IKZF2: variants seen among roughly 807,000 people sequenced by gnomAD.
IKZF2 encodes zinc finger protein Helios.
In IKZF2, 15 loss-of-function variants were observed where a neutral mutation model predicts 49.2. That is an observed-to-expected ratio of 0.30 (90% CI 0.20 to 0.47). IKZF2 has a LOEUF of 0.47. IKZF2 is among the 20% of genes least tolerant of loss of function. IKZF2 has a pLI of 1.00. For synonymous variants in IKZF2, 227 were observed against 221.4 expected (o/e 1.03, Z -0.23); for missense variants, 567 against 664.6 (o/e 0.85, Z 1.61).
chr2:213,024,661 G>A (rs527756807), intron 6 of IKZF2, among the ~76,000 whole-genome samples: 1 of 152,044 alleles, frequency 6.6e-6, no homozygotes, highest in Non-Finnish European at 1.5e-5. Context: ...TCTGAGACCT[G>A]TAGTCATTTA....
Position 213,147,824 on chromosome 2 carries a change from A to G in IKZF2, c.35-12T>C. On this transcript the variant is annotated splice_polypyrimidine_tract_variant and intron_variant, in intron 3 of 8. Transcript: ENST00000434687. ...AAGCTCATTGTCACCTGCTTTCACA[A>G]AATATAATCTTTTGGTTTCTATTCA... 6.3e-7 allele frequency: 1 copy of G among 1,590,856 alleles called. No homozygotes were observed. Among genetic ancestry groups the G allele is most frequent in the Non-Finnish European group, 8.6e-7 (1 of 1,158,774 alleles).
chr2:213,017,495 A>G (rs1447627033), intron 7 of IKZF2, among the ~76,000 whole-genome samples: 1 of 152,224 alleles, frequency 6.6e-6, no homozygotes, highest in Non-Finnish European at 1.5e-5. Context: ...GAATGACACT[A>G]CTATTTACTC....
chr2:213,108,481 T>C (rs1388955184), intron 4 of IKZF2, among the ~76,000 whole-genome samples: 1 of 152,150 alleles, frequency 6.6e-6, no homozygotes, highest in East Asian at 1.9e-4. Flanking sequence ...AGCTACAAGC[T>C]GAGCTACTGA....
chr2:213,061,542 G>T (rs980652952), intron 4 of IKZF2, among the ~76,000 whole-genome samples: 1 of 150,038 alleles, frequency 6.7e-6, no homozygotes, highest in Non-Finnish European at 1.5e-5. Context: ...GAATGAAAAG[G>T]ATAATAAAAT....
intron 4 of IKZF2, among the ~76,000 whole-genome samples, chr2:213,136,387 A>AAAAAAAAAAAAG (rs2060672831): frequency 2.0e-5 from 2 of 99,862 alleles, no homozygotes; most frequent in African/African-American, 2.9e-5. Context: ...AAAAAAAAAA[A>AAAAAAAAAAAAG]AAAAGAAAAA....
chr2:213,145,924 C>G (rs1484761328), intron 4 of IKZF2, among the ~76,000 whole-genome samples: 8 of 152,048 alleles, frequency 5.3e-5, no homozygotes, highest in Non-Finnish European at 4.4e-5. Context: ...CTTATTTGTT[C>G]AAATTGATCA....
In IKZF2 at chr2:213,002,106, A is replaced by G. The variant is rs1694952318; in HGVS notation, c.*5254T>C. On this transcript the variant is annotated 3_prime_UTR_variant, in exon 9 of 9. Coordinates refer to ENST00000434687, the MANE Select transcript of IKZF2 (RefSeq NM_001387220.1). ...ACTGCAAACTCATTTATTTGTACCT[A>G]TATGAACTTATATGCTGTACTTTAT... 6.6e-6 allele frequency: 1 copy of G among 151,458 alleles called. No homozygotes were observed. Among genetic ancestry groups the G allele is most frequent in the Non-Finnish European group, 1.5e-5 (1 of 67,542 alleles). 9.4% of individuals were successfully genotyped at this position (151,458 alleles called of 1,614,324 possible).
At chr2:213,142,281 C>A (rs903144920) in intron 4 of IKZF2, among the ~76,000 whole-genome samples, 9 of 151,856 alleles carry the variant, frequency 5.9e-5, no homozygotes, top group African/African-American at 1.7e-4. Flanking sequence ...TAACCAAAAT[C>A]TTCATAGATG....
chr2:213,151,650 T>C (rs1421367945), upstream of IKZF2: 12 of 150,960 alleles, frequency 7.9e-5, no homozygotes, highest in East Asian at 1.6e-3. Flanking sequence ...ACCGATCCGG[T>C]GGAGCCCGAG....
intron 7 of IKZF2, among the ~76,000 whole-genome samples, chr2:213,017,281 G>A (rs1377834826): frequency 6.6e-6 from 1 of 152,006 alleles, no homozygotes; most frequent in Non-Finnish European, 1.5e-5. Context: ...AATTATGATG[G>A]ATCCTGCATC....
chr2:213,103,167 T>A (rs939688158), intron 4 of IKZF2, among the ~76,000 whole-genome samples: 3 of 152,292 alleles, frequency 2.0e-5, no homozygotes, highest in Middle Eastern at 3.4e-3. Context: ...GGCTCAGAGA[T>A]ATTAATTTAT....
rs930657603 is a variant in IKZF2, at chr2:213,007,243, T to G, written c.*117A>C. On this transcript the variant is annotated 3_prime_UTR_variant, in exon 9 of 9. Coordinates refer to ENST00000434687, the MANE Select transcript of IKZF2 (RefSeq NM_001387220.1). Reference sequence around the variant, plus strand: ...ACAAAATAAGAATTATCAACAGTAATAATATTAAAAAAAATAAAAGGTATG... The same window carrying G: ...ACAAAATAAGAATTATCAACAGTAAGAATATTAAAAAAAATAAAAGGTATG... The G allele has an allele frequency of 1.5e-5, 17 of 1,100,374 alleles. No individual in the cohort carries two copies. The Admixed American group carries it at 4.2e-4, about 27-fold the overall frequency. The allele number at this position is 1,100,374 out of a possible 1,614,324, so 68.2% of individuals were successfully genotyped here.
intron 4 of IKZF2, chr2:213,081,145 T>C (rs1703909722): frequency 1.3e-5 from 2 of 154,416 alleles, no homozygotes; most frequent in Non-Finnish European, 1.5e-5. Context: ...GGGAAGAGTA[T>C]AGGAGGTAGT....
chr2:213,150,861 ATTTAACTGC>A (rs1467858758), intron 1 of IKZF2, among the ~76,000 whole-genome samples: 1 of 151,508 alleles, frequency 6.6e-6, no homozygotes, highest in Non-Finnish European at 1.5e-5. Context: ...TGTCAAAGTG[ATTTAACTGC>A]TGCCTGTTTA....
At chr2:213,041,960 T>C (rs1699709919) in intron 6 of IKZF2, among the ~76,000 whole-genome samples, 1 of 152,154 alleles carries the variant, frequency 6.6e-6, no homozygotes, top group African/African-American at 2.4e-5. Context: ...GTGGTAGTAG[T>C]GACTGATTAG....
chr2:213,066,868 C>T lies in IKZF2; in HGVS notation c.140-9769G>A, dbSNP rs181093574. On this transcript the variant is annotated intron_variant, in intron 4 of 8. Transcript: ENST00000434687. ...AAATCATGGAAATACCAGATTATAA[C>T]ATCTATGTTTAAATGCTTACTTATA... Among the ~76,000 whole-genome samples the T allele has an allele frequency of 8.0e-4, 122 of 152,206 alleles. 1 individual carries two copies. Among genetic ancestry groups the T allele is most frequent in the Admixed American group, 1.3e-3 (20 of 15,278 alleles).
At position 213,074,385 on chromosome 2, in the gene IKZF2, C is replaced by T. The variant is rs1703032183; in HGVS notation, c.140-17286G>A. Among the ~76,000 whole-genome samples the T allele has an allele frequency of 5.3e-5, 8 of 152,142 alleles. No individual in the cohort carries two copies. The South Asian group carries it at 1.7e-3, about 32-fold the overall frequency. ...CAAACCTGCACAGCATGTTACTGTA[C>T]TGAATACGTAGGCAATTGTAACCCA... On this transcript the variant is annotated intron_variant, in intron 4 of 8. Coordinates refer to ENST00000434687, the MANE Select transcript of IKZF2 (RefSeq NM_001387220.1).
chr2:213,038,062 C>A (rs1325563479), intron 6 of IKZF2, among the ~76,000 whole-genome samples: 1 of 149,280 alleles, frequency 6.7e-6, no homozygotes, highest in Non-Finnish European at 1.5e-5. Flanking sequence ...GTTTTCTTTT[C>A]TTTTCTTTTC....
intron 4 of IKZF2, among the ~76,000 whole-genome samples, chr2:213,132,751 T>C (rs949754502): frequency 6.6e-6 from 1 of 152,208 alleles, no homozygotes; most frequent in African/African-American, 2.4e-5. Context: ...ACACATCTTC[T>C]GAATTGCCAT....
Sources: gnomAD v4.1 joint callset for allele counts (sites outside exome capture counted in the v4.1 genomes callset) on GRCh38, gnomAD v4.1.1 for gene constraint, MANE v1.5 for transcripts, NCBI Gene and HGNC (gene_info 2026-07-23, HGNC 2026-07-21) for gene names.